AGAP1: variants seen among roughly 807,000 people sequenced by gnomAD.
AGAP1 encodes arf-GAP with GTPase, ANK repeat and PH domain-containing protein 1.
In AGAP1, 29 loss-of-function variants were observed where a neutral mutation model predicts 105.3. That is an observed-to-expected ratio of 0.28 (90% CI 0.21 to 0.38). AGAP1 has a LOEUF of 0.38. Among genes scored for constraint, AGAP1 ranks in the 10% least tolerant of loss-of-function variants. The pLI, the probability that AGAP1 is intolerant of heterozygous loss-of-function variation, is 1.00. For synonymous variants in AGAP1, 509 were observed against 485.9 expected, an observed-to-expected ratio of 1.05 and a Z score of -0.63; for missense variants, 998 against 1,165.1, an observed-to-expected ratio of 0.86 and a Z score of 2.09.
At chr2:235,759,994 A>G (rs1728291) in intron 6 of AGAP1, among the ~76,000 whole-genome samples, 114,194 of 152,162 alleles carry the variant, frequency 0.75, 43,580 homozygotes, top group East Asian at 0.98. Flanking sequence ...TCTTACCCTC[A>G]TGAAGCTATA....
At chr2:235,509,534 G>A (rs1445532985) in intron 1 of AGAP1, among the ~76,000 whole-genome samples, 1 of 152,136 alleles carries the variant, frequency 6.6e-6, no homozygotes, top group Non-Finnish European at 1.5e-5. Flanking sequence ...CGCCCGGCCA[G>A]AGGTGTGGTT....
rs147055424 is a variant in AGAP1, at chr2:235,504,741, T to G, written c.163+9892T>G. On this transcript the variant is annotated intron_variant, in intron 1 of 17. Transcript: ENST00000304032. Reference sequence around the variant, plus strand: ...ACCTTTCAGTGCTTTCAAGGTTCATTTTATGACACTCAGGATGGCCGTTTG... The same window carrying G: ...ACCTTTCAGTGCTTTCAAGGTTCATGTTATGACACTCAGGATGGCCGTTTG... Among the ~76,000 whole-genome samples the G allele has an allele frequency of 1.2e-3, 179 of 152,176 alleles. No homozygotes were observed. The East Asian group carries it at 0.022, about 19-fold the overall frequency.
Position 236,109,158 on chromosome 2 carries a change from C to T in AGAP1, c.2115-11034C>T, listed in dbSNP as rs1244890357. ...ACTCTCCCCGCGCTCTCCAGGTGTC[C>T]CCAGAGGTCTTGGTCTATGCTTTGC... On this transcript the variant is annotated intron_variant, in intron 16 of 17. Coordinates refer to ENST00000304032, the MANE Select transcript of AGAP1 (RefSeq NM_001037131.3). This position sits in a 1 kb window ranked among gnomAD's most constrained non-coding sequence, Gnocchi z 5.4. 6.6e-6 allele frequency among the ~76,000 whole-genome samples: 1 copy of T among 152,096 alleles called. No individual in the cohort carries two copies. Among genetic ancestry groups the T allele is most frequent in the Non-Finnish European group, 1.5e-5 (1 of 68,034 alleles).
chr2:236,096,981 C>T lies in AGAP1; in HGVS notation c.2115-23211C>T, dbSNP rs2125889943. Among the ~76,000 whole-genome samples the T allele has an allele frequency of 6.6e-6, 1 of 152,266 alleles. No individual in the cohort carries two copies. ...AATGCATTGAGCTGAATGGAAAAAA[C>T]AAACTTTATTGGTAATATCCTGAAA... is the stretch of plus-strand genomic sequence containing the variant. On this transcript the variant is annotated intron_variant, in intron 16 of 17. Coordinates refer to ENST00000304032, the MANE Select transcript of AGAP1 (RefSeq NM_001037131.3). This position sits in a 1 kb window ranked among gnomAD's most constrained non-coding sequence, Gnocchi z 4.4.
At position 235,851,926 on chromosome 2, in the gene AGAP1, A is replaced by G. The variant is rs542335782; in HGVS notation, c.1051-31419A>G. Among the ~76,000 whole-genome samples, 7 of 152,300 alleles carry G rather than the reference A, an allele frequency of 4.6e-5. No individual in the cohort carries two copies. The East Asian group carries it at 1.4e-3, about 29-fold the overall frequency. On this transcript the variant is annotated intron_variant, in intron 9 of 17. Transcript: ENST00000304032. ...TTTCTCTCCCAGACCCTCCCAGCTT[A>G]TTAAAAGAACTTATAGACATGAAAA... is the stretch of plus-strand genomic sequence containing the variant.
At chr2:235,924,712 G>C (rs777128452) in intron 11 of AGAP1, among the ~76,000 whole-genome samples, 15 of 152,152 alleles carry the variant, frequency 9.9e-5, no homozygotes, top group Non-Finnish European at 1.9e-4. Flanking sequence ...AGCACACACA[G>C]TAACTCATGT....
chr2:236,032,034 G>T (rs750567362), intron 13 of AGAP1, among the ~76,000 whole-genome samples: 29 of 152,102 alleles, frequency 1.9e-4, no homozygotes, highest in Non-Finnish European at 3.7e-4. Flanking sequence ...CTGCTGTTGG[G>T]GTCCAAGAGA....
chr2:236,109,841 T>C lies in AGAP1; in HGVS notation c.2115-10351T>C, dbSNP rs528843884. On this transcript the variant is annotated intron_variant, in intron 16 of 17. Coordinates refer to ENST00000304032, the MANE Select transcript of AGAP1 (RefSeq NM_001037131.3). The surrounding 1 kb of genome is among the most constrained non-coding windows in gnomAD (Gnocchi z 5.4). ...CCACGGGCAGCTTACAGCTGCCCCATTGGGGGGCACACCTCTAGATTCTTC... is the reference window on the plus strand; with the variant it reads ...CCACGGGCAGCTTACAGCTGCCCCACTGGGGGGCACACCTCTAGATTCTTC... Among the ~76,000 whole-genome samples, 14 of 152,344 alleles carry C rather than the reference T, an allele frequency of 9.2e-5. No individual in the cohort carries two copies. The highest frequency in any genetic ancestry group is 1.3e-4 in the Non-Finnish European group (9 of 68,024).
At chr2:236,018,170 T>C (rs559285484) in intron 13 of AGAP1, among the ~76,000 whole-genome samples, 13 of 152,300 alleles carry the variant, frequency 8.5e-5, no homozygotes, top group Middle Eastern at 3.4e-3. Context: ...ATGGGTGAAA[T>C]TGAGTTTTCT....
intron 12 of AGAP1, among the ~76,000 whole-genome samples, chr2:235,954,497 T>C (rs1234945298): frequency 6.6e-6 from 1 of 150,376 alleles, no homozygotes; most frequent in East Asian, 1.9e-4. Flanking sequence ...ACTTTCTCCT[T>C]ACAATGCCTC....
Position 235,555,760 on chromosome 2 carries a change from G to A in AGAP1, c.163+60911G>A, listed in dbSNP as rs1462546977. Among the ~76,000 whole-genome samples the A allele has an allele frequency of 6.6e-6, 1 of 152,208 alleles. No individual in the cohort carries two copies. The highest frequency in any genetic ancestry group is 6.5e-5 in the Admixed American group (1 of 15,280). ...AAGCCCTGGTTGGCTGAAGTGCTCAGGAGAGGAGACTTTGGGGGTCATCAC... is the reference window on the plus strand; with the variant it reads ...AAGCCCTGGTTGGCTGAAGTGCTCAAGAGAGGAGACTTTGGGGGTCATCAC... On this transcript the variant is annotated intron_variant, in intron 1 of 17. Coordinates refer to ENST00000304032, the MANE Select transcript of AGAP1 (RefSeq NM_001037131.3). The surrounding 1 kb of genome is among the most constrained non-coding windows in gnomAD (Gnocchi z 5.1).
chr2:236,064,802 G>A (rs906284295), intron 16 of AGAP1, among the ~76,000 whole-genome samples: 7 of 152,128 alleles, frequency 4.6e-5, no homozygotes, highest in African/African-American at 1.7e-4. Flanking sequence ...TGGAAGGAAT[G>A]AACTGAGAAA....
At chr2:235,617,612 G>C (rs944595656) in intron 1 of AGAP1, among the ~76,000 whole-genome samples, 3 of 152,120 alleles carry the variant, frequency 2.0e-5, no homozygotes, top group African/African-American at 7.2e-5. Context: ...CGAGGCAGGA[G>C]AATCGCTTGA....
In AGAP1 at chr2:235,971,253, A is replaced by G. The variant is rs983004221; in HGVS notation, c.1645+2630A>G. Among the ~76,000 whole-genome samples the G allele has an allele frequency of 5.3e-5, 8 of 152,198 alleles. No homozygotes were observed. Among genetic ancestry groups the G allele is most frequent in the African/African-American group, 1.7e-4 (7 of 41,460 alleles). On this transcript the variant is annotated intron_variant, in intron 13 of 17. Transcript: ENST00000304032. This position sits in a 1 kb window ranked among gnomAD's most constrained non-coding sequence, Gnocchi z 4.8. ...ATGAGTCACTTTTGTGAAAAAGTCT[A>G]TATTTCATTTTTTCAAAGCCACATT... is the stretch of plus-strand genomic sequence containing the variant.
rs1486165067 is a variant in AGAP1 at position 235,566,155 on chromosome 2, A to C, written c.163+71306A>C. ...CGCCCAGGCTAGAGTGCAGTGGCGC[A>C]ACCTCGGCTCACTGCAACCTCTGCC... On this transcript the variant is annotated intron_variant, in intron 1 of 17. Coordinates refer to ENST00000304032, the MANE Select transcript of AGAP1 (RefSeq NM_001037131.3). The surrounding 1 kb of genome is among the most constrained non-coding windows in gnomAD (Gnocchi z 5.2). 4.0e-5 allele frequency among the ~76,000 whole-genome samples: 6 copies of C among 151,146 alleles called. No individual in the cohort carries two copies. Among genetic ancestry groups the C allele is most frequent in the Non-Finnish European group, 7.4e-5 (5 of 67,794 alleles).
At chr2:235,564,297 T>C (rs934525989) in intron 1 of AGAP1, among the ~76,000 whole-genome samples, 2 of 152,138 alleles carry the variant, frequency 1.3e-5, no homozygotes, top group Non-Finnish European at 2.9e-5. Context: ...GCAGTCAGAC[T>C]CTCTGGGGAT....
chr2:235,901,373 A>G lies in AGAP1; in HGVS notation c.1156-7365A>G, dbSNP rs960860147. ...TTGATACTGGATATTCATGAAGTGC[A>G]GTGAAAATAGGGAATAATGAGTCAT... On this transcript the variant is annotated intron_variant, in intron 10 of 17. Coordinates refer to ENST00000304032, the MANE Select transcript of AGAP1 (RefSeq NM_001037131.3). The surrounding 1 kb of genome is among the most constrained non-coding windows in gnomAD (Gnocchi z 4.3). 3.9e-5 allele frequency among the ~76,000 whole-genome samples: 6 copies of G among 152,150 alleles called. No individual in the cohort carries two copies. The highest frequency in any genetic ancestry group is 6.5e-5 in the Admixed American group (1 of 15,278).
intron 1 of AGAP1, among the ~76,000 whole-genome samples, chr2:235,696,319 T>C (rs540115604): frequency 6.6e-6 from 1 of 152,360 alleles, no homozygotes; most frequent in South Asian, 2.1e-4. Context: ...ATGTTGGGAT[T>C]ACAGGCGTGA....
chr2:235,637,998 T>C (rs1277991772), intron 1 of AGAP1, among the ~76,000 whole-genome samples: 2 of 152,196 alleles, frequency 1.3e-5, no homozygotes, highest in Non-Finnish European at 2.9e-5. Context: ...AGATTATCTT[T>C]ACTCGTTCTA....
Sources: allele counts gnomAD v4.1 joint callset (sites outside exome capture counted in the v4.1 genomes callset), GRCh38; gene constraint gnomAD v4.1.1; non-coding constraint Gnocchi (gnomAD v3.1); transcripts MANE v1.5; gene names NCBI Gene and HGNC (gene_info 2026-07-23, HGNC 2026-07-21).